Variants in GP5 observed in about 807,000 individuals in gnomAD.
The protein encoded by GP5 is platelet glycoprotein V.
For missense variants in GP5, 755 were observed against 737.1 expected (o/e 1.02, Z -0.28); for synonymous variants, 382 against 353.9 (o/e 1.08, Z -0.89).
In GP5 at chr3:194,397,346, G is replaced by T. The variant is rs774229812; in HGVS notation, c.937C>A (p.Leu313Met). The change falls in exon 2 of 2, where the codon CTG becomes ATG. Residue 313 changes from leucine to methionine, a missense_variant. Transcript: ENST00000692618. The surrounding 1 kb of genome is among the most constrained non-coding windows in gnomAD (Gnocchi z 7.2). ...RTLPAAAFRN[L>M]SRLRYLGVTL... ...ACCCCTAAGTACCGCAGGCGGCTCAGGTTGCGGAAGGCGGCGGCGGGCAGG... is the reference window on the plus strand; with the variant it reads ...ACCCCTAAGTACCGCAGGCGGCTCATGTTGCGGAAGGCGGCGGCGGGCAGG... 6 of 1,603,174 alleles carry T rather than the reference G, an allele frequency of 3.7e-6. No homozygotes were observed. In the African/African-American group the frequency reaches 5.3e-5, roughly 14 times the overall value.
In GP5 at chr3:194,397,139, G is replaced by C; in HGVS notation, c.1144C>G (p.Leu382Val). Residue 382 changes from leucine (L) to valine (V), a missense_variant, in exon 2 of 2, where the codon CTC becomes GTC. By Grantham distance (32) the Leu-to-Val change is conservative (BLOSUM62 1). Coordinates refer to ENST00000692618, the MANE Select transcript of GP5 (RefSeq NM_004488.2). The surrounding 1 kb of genome is among the most constrained non-coding windows in gnomAD (Gnocchi z 7.2). ...TCCAGGCTGCTGAGATTGCGGAAGA[G>C]GGCACGGGGCAGGGCGCGCAGCCTG... Reference protein sequence around the residue: ...RNRLRALPRALFRNLSSLESV... With the variant: ...RNRLRALPRAVFRNLSSLESV... 6.3e-7 allele frequency: 1 copy of C among 1,587,276 alleles called. No individual in the cohort carries two copies. The highest frequency in any genetic ancestry group is 8.5e-7 in the Non-Finnish European group (1 of 1,174,768).
intron 1 of GP5, among the ~76,000 whole-genome samples, 37 bp downstream of exon 1, chr3:194,399,201 A>G (rs1473670650): frequency 1.3e-5 from 2 of 152,346 alleles, no homozygotes; most frequent in African/African-American, 4.8e-5. Flanking sequence ...AGAGCCCTCT[A>G]ATTTCCTATA....
Position 194,396,916 on chromosome 3 carries a change from G to A in GP5, c.1367C>T (p.Ala456Val), listed in dbSNP as rs1560056904. Residue 456 changes from alanine to valine, a missense_variant, in exon 2 of 2, where the codon GCG (alanine) becomes GTG (valine). Ala to Val is a moderately conservative substitution (Grantham distance 64). Coordinates refer to ENST00000692618, the MANE Select transcript of GP5 (RefSeq NM_004488.2). ...EEPPRCAGPG[A>V]HAGLPLWALP... is the part of the protein sequence containing the mutation. ...GGCCCAGAGCGGCAGGCCGGCGTGC[G>A]CCCCAGGGCCTGCGCACCGTGGGGG... 6.6e-7 allele frequency: 1 copy of A among 1,504,920 alleles called. No homozygotes were observed. Among genetic ancestry groups the A allele is most frequent in the Non-Finnish European group, 8.9e-7 (1 of 1,129,326 alleles). 93.2% of individuals were successfully genotyped at this position (1,504,920 alleles called of 1,614,324 possible). A position where few individuals can be genotyped will look rare whatever the true frequency, so the allele number is the denominator to read the frequency against.
rs941308233 is a variant in GP5 at position 194,397,854 on chromosome 3, C to A, written c.429G>T (p.Gln143His). ...CGAGCTCCTGCAGGTTAACCAGTTTCTGAAACATGTTTTGGTCAATGCCCC... is the reference window on the plus strand; with the variant it reads ...CGAGCTCCTGCAGGTTAACCAGTTTATGAAACATGTTTTGGTCAATGCCCC... Reference protein sequence around the residue: ...ALRGIDQNMFQKLVNLQELAL... With the variant: ...ALRGIDQNMFHKLVNLQELAL... Residue 143 changes from glutamine to histidine, a missense_variant, in exon 2 of 2, where the codon CAG (glutamine) becomes CAT (histidine). Coordinates refer to ENST00000692618, the MANE Select transcript of GP5 (RefSeq NM_004488.2). This position sits in a 1 kb window ranked among gnomAD's most constrained non-coding sequence, Gnocchi z 7.2. 6.2e-7 allele frequency: 1 copy of A among 1,614,042 alleles called. No homozygotes were observed. Among genetic ancestry groups the A allele is most frequent in the Non-Finnish European group, 8.5e-7 (1 of 1,180,002 alleles).
chr3:194,398,040 G>A lies in GP5; in HGVS notation c.243C>T (p.Ile81=), dbSNP rs781760228. The change falls in exon 2 of 2, where the codon ATC becomes ATT. Residue 81 remains isoleucine, a synonymous_variant. Coordinates refer to ENST00000692618, the MANE Select transcript of GP5 (RefSeq NM_004488.2). ...SGMTVLQRLM[I]SDSHISAVAP... is the part of the protein sequence containing the mutation. The stretch of plus-strand genomic sequence containing the variant: ...CAACGGCGGAAATGTGGCTGTCGGA[G>A]ATCATGAGGCGCTGCAGGACGGTCA... 1.4e-5 allele frequency: 23 copies of A among 1,614,012 alleles called. No homozygotes were observed. Among genetic ancestry groups the A allele is most frequent in the Non-Finnish European group, 1.6e-5 (19 of 1,179,998 alleles).
In GP5 at chr3:194,397,547, A is replaced by G. The variant is rs1714499806; in HGVS notation, c.736T>C (p.Ser246Pro). 2 of 1,614,044 alleles carry G rather than the reference A, an allele frequency of 1.2e-6. No individual in the cohort carries two copies. The highest frequency in any genetic ancestry group is 1.7e-6 in the Non-Finnish European group (2 of 1,179,994). The change falls in exon 2 of 2, where the codon TCT becomes CCT. Residue 246 changes from serine (S) to proline (P), a missense_variant. Coordinates refer to ENST00000692618, the MANE Select transcript of GP5 (RefSeq NM_004488.2). This position sits in a 1 kb window ranked among gnomAD's most constrained non-coding sequence, Gnocchi z 7.2. ...AGGTGGTTTCTCGAAAGCGTCAAAG[A>G]ACTGAGGTTTGGGAGCCGGTCGAAG... The part of the protein sequence containing the change: ...GAFDRLPNLS[S>P]LTLSRNHLAF...
chr3:194,398,225 G>A lies in GP5; in HGVS notation c.58C>T (p.Pro20Ser), dbSNP rs1714520318. Residue 20 changes from proline (P) to serine (S), a missense_variant, in exon 2 of 2, where the codon CCC becomes TCC. Pro to Ser is a moderately conservative substitution (Grantham distance 74). Coordinates refer to ENST00000692618, the MANE Select transcript of GP5 (RefSeq NM_004488.2). ...ACACACTTGCAAGCTGGCGGACAGG[G>A]GAAGGGCTGGGCGCGCAGAAGCCCG... ...VLGLLRAQPF[P>S]CPPACKCVFR... The A allele has an allele frequency of 6.2e-7, 1 of 1,611,876 alleles. No individual in the cohort carries two copies. The highest frequency in any genetic ancestry group is 2.2e-5 in the East Asian group (1 of 44,832).
Position 194,397,124 on chromosome 3 carries a change from T to C in GP5, c.1159A>G (p.Ser387Gly). The change falls in exon 2 of 2, where the codon AGC becomes GGC. Residue 387 changes from serine (S) to glycine (G), a missense_variant. Ser to Gly is a moderately conservative substitution (Grantham distance 56, BLOSUM62 0). Transcript: ENST00000692618. The surrounding 1 kb of genome is among the most constrained non-coding windows in gnomAD (Gnocchi z 7.2). ...TCGAGCTGGACGCTCTCCAGGCTGC[T>C]GAGATTGCGGAAGAGGGCACGGGGC... is the stretch of plus-strand genomic sequence containing the variant. Reference protein sequence around the residue: ...ALPRALFRNLSSLESVQLDHN... With the variant: ...ALPRALFRNLGSLESVQLDHN... The C allele has an allele frequency of 6.3e-7, 1 of 1,590,286 alleles. No individual in the cohort carries two copies. Among genetic ancestry groups the C allele is most frequent in the Non-Finnish European group, 8.5e-7 (1 of 1,176,242 alleles).
chr3:194,397,466 G>A lies in GP5; in HGVS notation c.817C>T (p.Leu273=), dbSNP rs1308373958. 6.2e-7 allele frequency: 1 copy of A among 1,613,598 alleles called. No individual in the cohort carries two copies. The highest frequency in any genetic ancestry group is 1.7e-5 in the Admixed American group (1 of 60,004). ...AGCTCTGCCAGCGGGTTCTCGAACA[G>A]AGTCAACAGAGTCAGATTGTGCGAA... ...LHSHNLTLLT[L]FENPLAELPG... The change falls in exon 2 of 2, where the codon CTG becomes TTG. Residue 273 remains leucine, a synonymous_variant. Transcript: ENST00000692618. The surrounding 1 kb of genome is among the most constrained non-coding windows in gnomAD (Gnocchi z 7.2).
At position 194,396,378 on chromosome 3, in the gene GP5, C is replaced by T. The variant is rs1714453052; in HGVS notation, c.*222G>A. ...AAACGTCAAGCTCAGTTTCCAGGAA[C>T]GGGCGGGGGACACAGAGAGGAGGGG... On this transcript the variant is annotated 3_prime_UTR_variant, in exon 2 of 2. Coordinates refer to ENST00000692618, the MANE Select transcript of GP5 (RefSeq NM_004488.2). 2.1e-6 allele frequency: 1 copy of T among 471,946 alleles called. No homozygotes were observed. Among genetic ancestry groups the T allele is most frequent in the Non-Finnish European group, 3.8e-6 (1 of 266,490 alleles). 29.2% of individuals were successfully genotyped at this position (471,946 alleles called of 1,614,324 possible).
In GP5 at chr3:194,397,728, C is replaced by A. The variant is rs1560057451; in HGVS notation, c.555G>T (p.Leu185=). Residue 185 remains leucine (L), a synonymous_variant, in exon 2 of 2, where the codon CTG becomes CTT. Coordinates refer to ENST00000692618, the MANE Select transcript of GP5 (RefSeq NM_004488.2). The surrounding 1 kb of genome is among the most constrained non-coding windows in gnomAD (Gnocchi z 7.2). ...CCTGTGCTCCAAGCAACCCCTTGGG[C>A]AGGTGGGTCAGGTTGTTTCCCGATA... ...LDLSGNNLTH[L]PKGLLGAQAK... 3 of 1,613,892 alleles carry A rather than the reference C, an allele frequency of 1.9e-6. No individual in the cohort carries two copies. Among genetic ancestry groups the A allele is most frequent in the East Asian group, 2.2e-5 (1 of 44,874 alleles).
In GP5 at chr3:194,396,872, C is replaced by G. The variant is rs752627621; in HGVS notation, c.1411G>C (p.Glu471Gln). The G allele has an allele frequency of 1.3e-6, 2 of 1,539,194 alleles. No homozygotes were observed. Among genetic ancestry groups the G allele is most frequent in the East Asian group, 2.3e-5 (1 of 42,926 alleles). The change falls in exon 2 of 2, where the codon GAG (glutamate) becomes CAG (glutamine). Residue 471 changes from glutamate (E) to glutamine (Q), a missense_variant. Glu to Gln is a conservative substitution (Grantham distance 29). Coordinates refer to ENST00000692618, the MANE Select transcript of GP5 (RefSeq NM_004488.2). ...GGCGGGCCCCGGGGGCCCGGGCACT[C>G]CGCGTCACCCCCCGGCAGGGCCCAG... is the stretch of plus-strand genomic sequence containing the variant. ...PLWALPGGDA[E>Q]CPGPRGPPPR...
Position 194,397,808 on chromosome 3 carries a change from C to T in GP5, c.475G>A (p.Asp159Asn). Residue 159 changes from aspartate (D) to asparagine (N), a missense_variant, in exon 2 of 2, where the codon GAT becomes AAT. Asp to Asn is a conservative substitution (Grantham distance 23, BLOSUM62 1). Coordinates refer to ENST00000692618, the MANE Select transcript of GP5 (RefSeq NM_004488.2). The surrounding 1 kb of genome is among the most constrained non-coding windows in gnomAD (Gnocchi z 7.2). ...QELALNQNQL[D>N]FLPASLFTNL... ...GTGAAGAGACTGGCAGGAAGGAAAT[C>T]GAGCTGATTCTGGTTCAGAGCGAGC... 1.2e-6 allele frequency: 2 copies of T among 1,613,968 alleles called. No homozygotes were observed. The highest frequency in any genetic ancestry group is 1.7e-6 in the Non-Finnish European group (2 of 1,179,980).
Position 194,396,999 on chromosome 3 carries a change from G to A in GP5, c.1284C>T (p.Gly428=), listed in dbSNP as rs1174305869. 4.4e-6 allele frequency: 7 copies of A among 1,594,602 alleles called. No homozygotes were observed. The highest frequency in any genetic ancestry group is 3.4e-6 in the Non-Finnish European group (4 of 1,177,172). Residue 428 remains glycine, a synonymous_variant, in exon 2 of 2, where the codon GGC becomes GGT. Transcript: ENST00000692618. ...LGHNSWRCDC[G]LGPFLGWLRQ... ...GCAGCCACCCCAGGAAGGGCCCCAG[G>A]CCACAGTCGCAGCGCCAGGAGTTGT...
At position 194,394,977 on chromosome 3, in the gene GP5, T is replaced by A. The variant is rs187150308; in HGVS notation, c.*1623A>T. 6.6e-6 allele frequency: 1 copy of A among 152,380 alleles called. No individual in the cohort carries two copies. The highest frequency in any genetic ancestry group is 1.9e-4 in the East Asian group (1 of 5,194). 9.4% of individuals were successfully genotyped at this position (152,380 alleles called of 1,614,324 possible). ...AAAATACCAACTCAAAGCTCTTCTT[T>A]AGAAATCATGATGCCAATAATAATT... On this transcript the variant is annotated 3_prime_UTR_variant, in exon 2 of 2. Coordinates refer to ENST00000692618, the MANE Select transcript of GP5 (RefSeq NM_004488.2).
chr3:194,398,250 G>C lies in GP5; in HGVS notation c.33C>G (p.Leu11=). The C allele has an allele frequency of 6.2e-7, 1 of 1,610,092 alleles. No homozygotes were observed. Among genetic ancestry groups the C allele is most frequent in the Non-Finnish European group, 8.5e-7 (1 of 1,178,312 alleles). The part of the protein sequence containing the change: MLRGTLLCAV[L]GLLRAQPFPC... ...GGAAGGGCTGGGCGCGCAGAAGCCC[G>C]AGCACCGCGCACAGTAGAGTCCCCC... Residue 11 remains leucine, a synonymous_variant, in exon 2 of 2, where the codon CTC becomes CTG. Coordinates refer to ENST00000692618, the MANE Select transcript of GP5 (RefSeq NM_004488.2).
Position 194,397,028 on chromosome 3 carries a change from C to T in GP5, c.1255G>A (p.Gly419Arg), listed in dbSNP as rs1714477331. Residue 419 changes from glycine (G) to arginine (R), a missense_variant, in exon 2 of 2, where the codon GGG becomes AGG. By Grantham distance (125) the Gly-to-Arg change is moderately radical. Transcript: ENST00000692618. This position sits in a 1 kb window ranked among gnomAD's most constrained non-coding sequence, Gnocchi z 7.2. The stretch of plus-strand genomic sequence containing the variant: ...CAGTCGCAGCGCCAGGAGTTGTGCC[C>T]CAACAGGACCTCCGTCAGCCGGGGC... ...ALPRLTEVLL[G>R]HNSWRCDCGL... The T allele has an allele frequency of 3.1e-6, 5 of 1,597,672 alleles. No individual in the cohort carries two copies. The East Asian group carries it at 1.1e-4, about 36-fold the overall frequency.
rs1209872580 is a variant in GP5, at chr3:194,396,849, C to G, written c.1434G>C (p.Pro478=). 6.4e-7 allele frequency: 1 copy of G among 1,555,288 alleles called. No homozygotes were observed. The highest frequency in any genetic ancestry group is 2.3e-5 in the East Asian group (1 of 42,854). The change falls in exon 2 of 2, where the codon CCG becomes CCC. Residue 478 remains proline, a synonymous_variant. Transcript: ENST00000692618. ...AGCTGTCCGCAGCGGGGCGGGGAGG[C>G]GGGCCCCGGGGGCCCGGGCACTCCG... ...GDAECPGPRG[P]PPRPAADSSS...
chr3:194,398,634 G>A (rs1051385655), intron 1 of GP5, among the ~76,000 whole-genome samples: 7 of 152,116 alleles, frequency 4.6e-5, no homozygotes, highest in Admixed American at 3.9e-4. Context: ...TTGTGAAAAC[G>A]GCTCTGCTCT....
Sources: allele counts gnomAD v4.1 joint callset (sites outside exome capture counted in the v4.1 genomes callset), GRCh38; gene constraint gnomAD v4.1.1; non-coding constraint Gnocchi (gnomAD v3.1); transcripts MANE v1.5; gene names NCBI Gene and HGNC (gene_info 2026-07-23, HGNC 2026-07-21).